ABHD2: variants seen among roughly 807,000 people sequenced by gnomAD.
ABHD2 encodes abhydrolase domain containing 2, acylglycerol lipase.
Under a neutral mutation model 48.1 loss-of-function variants are expected in ABHD2, and 20 were observed. The observed-to-expected ratio is 0.42, with a 90% CI of 0.29 to 0.60. ABHD2 has a LOEUF of 0.60. Among genes scored for constraint, ABHD2 ranks in the 20% least tolerant of loss-of-function variants. The probability of loss-of-function intolerance (pLI) is 0.24; values close to 1 mark genes in which losing one functional copy is unlikely to be tolerated. For synonymous variants in ABHD2, 209 were observed against 214.2 expected, an observed-to-expected ratio of 0.98 and a Z score of 0.21; for missense variants, 405 against 550.9, an observed-to-expected ratio of 0.74 and a Z score of 2.65.
chr15:89,141,344 C>G (rs948029458), intron 3 of ABHD2, among the ~76,000 whole-genome samples: 2 of 152,136 alleles, frequency 1.3e-5, no homozygotes, highest in African/African-American at 2.4e-5. Context: ...ACTATAAAAA[C>G]AGAACGGCCA....
intron 3 of ABHD2, among the ~76,000 whole-genome samples, chr15:89,132,896 G>A (rs1340091250): frequency 6.6e-6 from 1 of 152,214 alleles, no homozygotes; most frequent in Non-Finnish European, 1.5e-5. Context: ...CTGAGAAAAT[G>A]TTTTCCTGTG....
At position 89,201,906 on chromosome 15, in the gene ABHD2, A is replaced by T; in HGVS notation, c.*6483A>T. On this transcript the variant is annotated 3_prime_UTR_variant, in exon 11 of 11. Coordinates refer to ENST00000352732, the MANE Select transcript of ABHD2 (RefSeq NM_152924.5). ...TCGCATCTCTCCTTTTCCTGGTTAG[A>T]CTCTGTTCAACCACATTCTTATGTT... The T allele has an allele frequency of 1.6e-6, 1 of 609,674 alleles. No homozygotes were observed. Among genetic ancestry groups the T allele is most frequent in the Non-Finnish European group, 2.9e-6 (1 of 346,932 alleles). 37.8% of individuals were successfully genotyped at this position (609,674 alleles called of 1,614,324 possible).
upstream of ABHD2, among the ~76,000 whole-genome samples, chr15:89,086,651 C>T (rs531555801): frequency 3.8e-4 from 58 of 152,312 alleles, no homozygotes; most frequent in African/African-American, 1.4e-3. Flanking sequence ...CTGGGCTCCG[C>T]CTCAGCTTCC....
At chr15:89,131,511 G>A (rs2050219439) in intron 3 of ABHD2, among the ~76,000 whole-genome samples, 1 of 152,116 alleles carries the variant, frequency 6.6e-6, no homozygotes, top group Admixed American at 6.5e-5. Context: ...AGGGGAACAG[G>A]CACAGGGACT....
rs1049934989 is a variant in ABHD2 at position 89,188,660 on chromosome 15, C to T, written c.926+357C>T. Among the ~76,000 whole-genome samples, 7 of 152,146 alleles carry T rather than the reference C, an allele frequency of 4.6e-5. No homozygotes were observed. The highest frequency in any genetic ancestry group is 2.1e-4 in the South Asian group (1 of 4,824). ...TCAGGTGCCACATAAATCTGCATTTCGCAGTGGAGTAAAAGGCAAAAGAAA... is the reference window on the plus strand; with the variant it reads ...TCAGGTGCCACATAAATCTGCATTTTGCAGTGGAGTAAAAGGCAAAAGAAA... On this transcript the variant is annotated intron_variant, in intron 8 of 10. Transcript: ENST00000352732. The surrounding 1 kb of genome is among the most constrained non-coding windows in gnomAD (Gnocchi z 4.1).
Position 89,120,484 on chromosome 15 carries a change from C to G in ABHD2, c.194+3963C>G, listed in dbSNP as rs1489015417. Among the ~76,000 whole-genome samples, 1 of 151,764 alleles carries G rather than the reference C, an allele frequency of 6.6e-6. No homozygotes were observed. The highest frequency in any genetic ancestry group is 2.4e-5 in the African/African-American group (1 of 41,314). Reference sequence around the variant, plus strand: ...TTATCTATAAATGTTATAGCTCTTTCTTTTTTCTTTTTTGAGACAGAGTCT... The same window carrying G: ...TTATCTATAAATGTTATAGCTCTTTGTTTTTTCTTTTTTGAGACAGAGTCT... On this transcript the variant is annotated intron_variant, in intron 3 of 10. Transcript: ENST00000352732. This position sits in a 1 kb window ranked among gnomAD's most constrained non-coding sequence, Gnocchi z 4.2.
rs1439007645 is a variant in ABHD2 at position 89,200,574 on chromosome 15, A to T, written c.*5151A>T. On this transcript the variant is annotated 3_prime_UTR_variant, in exon 11 of 11. Coordinates refer to ENST00000352732, the MANE Select transcript of ABHD2 (RefSeq NM_152924.5). ...TGCTAGTGATGATCTGGTAATATAC[A>T]ATTTGTCCAGTAGCCAGTTTGTTTT... 1 of 153,212 alleles carries T rather than the reference A, an allele frequency of 6.5e-6. No homozygotes were observed. Among genetic ancestry groups the T allele is most frequent in the Non-Finnish European group, 1.5e-5 (1 of 68,390 alleles). The allele number at this position is 153,212 out of a possible 1,614,324, so 9.5% of individuals were successfully genotyped here.
intron 1 of ABHD2, among the ~76,000 whole-genome samples, chr15:89,089,883 T>G (rs978143780): frequency 1.3e-5 from 2 of 152,170 alleles, no homozygotes; most frequent in Admixed American, 6.5e-5. Flanking sequence ...CAGCTGGTAG[T>G]CAGCACGGAC....
In ABHD2 at chr15:89,096,406, GTTTAA is replaced by G. The variant is rs1401049216; in HGVS notation, c.-107+7849_-107+7853del. Among the ~76,000 whole-genome samples, 5 of 152,322 alleles carry G rather than the reference GTTTAA, an allele frequency of 3.3e-5. No individual in the cohort carries two copies. In the East Asian group the frequency reaches 7.7e-4, roughly 23 times the overall value. ...AATAAATAATAGTTGGATAAAAGTAGTTTAATTTAAATTTAAGAATGGAACACAAA... is the reference window on the plus strand; with the variant it reads ...AATAAATAATAGTTGGATAAAAGTAGTTTAAATTTAAGAATGGAACACAAA... On this transcript the variant is annotated intron_variant, in intron 1 of 10. Coordinates refer to ENST00000352732, the MANE Select transcript of ABHD2 (RefSeq NM_152924.5).
the ABHD2 span, among the ~76,000 whole-genome samples, chr15:89,064,188 C>A: frequency 7.1e-6 from 1 of 141,456 alleles, no homozygotes; most frequent in Non-Finnish European, 1.5e-5. Context: ...AATTTCCTTT[C>A]TTTGTATGTA....
rs568803299 is a variant in ABHD2, at chr15:89,100,228, C to A, written c.-107+11665C>A. Reference sequence around the variant, plus strand: ...ATCTTCCAGCCTTGGTGAATGAAGTCTCTCCTTTGTCTTCTCTGGTGAGCA... The same window carrying A: ...ATCTTCCAGCCTTGGTGAATGAAGTATCTCCTTTGTCTTCTCTGGTGAGCA... On this transcript the variant is annotated intron_variant, in intron 1 of 10. Coordinates refer to ENST00000352732, the MANE Select transcript of ABHD2 (RefSeq NM_152924.5). This position sits in a 1 kb window ranked among gnomAD's most constrained non-coding sequence, Gnocchi z 4.4. Among the ~76,000 whole-genome samples, 1 of 152,072 alleles carries A rather than the reference C, an allele frequency of 6.6e-6. No individual in the cohort carries two copies. The highest frequency in any genetic ancestry group is 1.9e-4 in the East Asian group (1 of 5,178).
rs115436225 is a variant in ABHD2 at position 89,111,723 on chromosome 15, C to T, written c.-106-2002C>T. On this transcript the variant is annotated intron_variant, in intron 1 of 10. Coordinates refer to ENST00000352732, the MANE Select transcript of ABHD2 (RefSeq NM_152924.5). ...ATGGACTCACCTAGCTAAGGGAAGCCAGAAAGCATTCACCAGTCTTATACA... is the reference window on the plus strand; with the variant it reads ...ATGGACTCACCTAGCTAAGGGAAGCTAGAAAGCATTCACCAGTCTTATACA... Among the ~76,000 whole-genome samples the T allele has an allele frequency of 7.9e-3, 1,210 of 152,286 alleles. 13 individuals carry two copies. The highest frequency in any genetic ancestry group is 0.027 in the African/African-American group (1,130 of 41,548).
At chr15:89,147,200 A>G (rs2050506637) in intron 3 of ABHD2, among the ~76,000 whole-genome samples, 1 of 152,200 alleles carries the variant, frequency 6.6e-6, no homozygotes, top group African/African-American at 2.4e-5. Context: ...AAGGACAATG[A>G]GCTAGTCTGT....
intron 3 of ABHD2, among the ~76,000 whole-genome samples, chr15:89,124,516 C>G (rs568565374): frequency 2.6e-5 from 4 of 152,360 alleles, no homozygotes; most frequent in Admixed American, 2.0e-4. Context: ...TTAAATTTCT[C>G]TTAATTCCCT....
rs2150945612 is a variant in ABHD2 at position 89,186,181 on chromosome 15, G to C, written c.815+665G>C. Among the ~76,000 whole-genome samples, 1 of 152,224 alleles carries C rather than the reference G, an allele frequency of 6.6e-6. No individual in the cohort carries two copies. The highest frequency in any genetic ancestry group is 2.1e-4 in the South Asian group (1 of 4,816). On this transcript the variant is annotated intron_variant, in intron 7 of 10. Coordinates refer to ENST00000352732, the MANE Select transcript of ABHD2 (RefSeq NM_152924.5). This position sits in a 1 kb window ranked among gnomAD's most constrained non-coding sequence, Gnocchi z 4.3. ...GGACTCATTCTTGGCTGGCGCTTGG[G>C]CTTCTGACCAAGCAGCAGCGGGACA...
chr15:89,077,075 G>A, the ABHD2 span, among the ~76,000 whole-genome samples: 2 of 152,118 alleles, frequency 1.3e-5, no homozygotes, highest in Non-Finnish European at 2.9e-5. Flanking sequence ...ATTTTCATAA[G>A]TGAACACACC....
chr15:89,172,013 T>C (rs2050936622), intron 5 of ABHD2, among the ~76,000 whole-genome samples: 1 of 132,044 alleles, frequency 7.6e-6, no homozygotes, highest in South Asian at 2.6e-4. Flanking sequence ...CTATAATAAA[T>C]ATTTTTCCTG....
intron 3 of ABHD2, chr15:89,136,593 A>G: frequency 1.1e-5 from 2 of 189,950 alleles, no homozygotes; most frequent in South Asian, 7.2e-5. Context: ...TTGTACTGCA[A>G]TGGCTGTGAT....
rs975208288 is a variant in ABHD2, at chr15:89,102,745, G to A, written c.-106-10980G>A. 2.6e-5 allele frequency among the ~76,000 whole-genome samples: 4 copies of A among 152,242 alleles called. No individual in the cohort carries two copies. The highest frequency in any genetic ancestry group is 6.5e-5 in the Admixed American group (1 of 15,286). On this transcript the variant is annotated intron_variant, in intron 1 of 10. Transcript: ENST00000352732. The surrounding 1 kb of genome is among the most constrained non-coding windows in gnomAD (Gnocchi z 4.8). ...GAAGAGCTCCTGAGGAGTGAGTGGC[G>A]TAGCTATCTGCTTCATGTGGGGCGC...
Sources: allele counts gnomAD v4.1 joint callset (sites outside exome capture counted in the v4.1 genomes callset), GRCh38; gene constraint gnomAD v4.1.1; non-coding constraint Gnocchi (gnomAD v3.1); transcripts MANE v1.5; gene names NCBI Gene and HGNC (gene_info 2026-07-23, HGNC 2026-07-21).